DACH2: variants seen among roughly 807,000 people sequenced by gnomAD.
The protein encoded by DACH2 is dachshund family transcription factor 2, also known as dachshund homolog 2.
In DACH2, 17 loss-of-function variants were observed where a neutral mutation model predicts 35.8. That is an observed-to-expected ratio of 0.48 (90% CI 0.33 to 0.71). DACH2 has a LOEUF of 0.71. Ranked by LOEUF, DACH2 falls within the 30% of genes least tolerant of loss-of-function variation. The pLI is 0.02. For synonymous variants in DACH2, 195 were observed against 177.3 expected (o/e 1.10, Z -0.79); for missense variants, 469 against 472.7 (o/e 0.99, Z 0.07).
At chrX:86,477,339 CATATAT>C (rs56255658) in intron 2 of DACH2, among the ~76,000 whole-genome samples, 3,808 of 75,799 alleles carry the variant, frequency 0.05, 128 homozygotes, top group East Asian at 0.25. Flanking sequence ...GTGTTGAGTG[CATATAT>C]ATATATATAT....
At chrX:86,767,044 G>T (rs1470713447) in intron 7 of DACH2, among the ~76,000 whole-genome samples, 1 of 111,770 alleles carries the variant, frequency 8.9e-6, no homozygotes, top group African/African-American at 3.2e-5. Flanking sequence ...TTATGAAATT[G>T]TCACTCATGT....
intron 3 of DACH2, among the ~76,000 whole-genome samples, chrX:86,523,968 C>T (rs907611454): frequency 4.5e-5 from 5 of 111,637 alleles, no homozygotes; most frequent in Non-Finnish European, 7.5e-5. Context: ...GCAGTTTTAT[C>T]CCCAGAACAG....
intron 2 of DACH2, among the ~76,000 whole-genome samples, chrX:86,456,073 G>T (rs1569407775): frequency 8.9e-6 from 1 of 112,147 alleles, no homozygotes; most frequent in Non-Finnish European, 1.9e-5. Flanking sequence ...TTCCTTGGCT[G>T]GGGCTGGCAG....
chrX:86,630,793 C>T (rs1266482466), intron 3 of DACH2, among the ~76,000 whole-genome samples: 1 of 109,890 alleles, frequency 9.1e-6, no homozygotes, highest in Non-Finnish European at 1.9e-5. Flanking sequence ...TGGGTTTAAG[C>T]GATTCTCCTG....
At chrX:86,300,286 C>A (rs2034549710) in intron 1 of DACH2, among the ~76,000 whole-genome samples, 1 of 111,741 alleles carries the variant, frequency 8.9e-6, no homozygotes, top group South Asian at 3.7e-4. Context: ...TATTTAATTT[C>A]ATACTGATAA....
At chrX:86,356,648 A>T (rs1187863675) in intron 1 of DACH2, among the ~76,000 whole-genome samples, 2 of 111,612 alleles carry the variant, frequency 1.8e-5, no homozygotes, top group East Asian at 5.6e-4. Flanking sequence ...AACAATATTG[A>T]TTCTTCCTAT....
intron 3 of DACH2, among the ~76,000 whole-genome samples, chrX:86,535,092 A>T (rs1336882744): frequency 8.9e-6 from 1 of 111,855 alleles, no homozygotes. Context: ...AAAGTTATGA[A>T]TAGCTCTATT....
chrX:86,675,909 A>G (rs1249804854), intron 4 of DACH2, among the ~76,000 whole-genome samples: 1 of 111,856 alleles, frequency 8.9e-6, no homozygotes, highest in Non-Finnish European at 1.9e-5. Flanking sequence ...AAGATGCAAT[A>G]AAGTCTTTTT....
At chrX:86,727,373 A>G (rs2041481905) in intron 6 of DACH2, among the ~76,000 whole-genome samples, 1 of 112,227 alleles carries the variant, frequency 8.9e-6, no homozygotes, top group African/African-American at 3.2e-5. Context: ...GTTTAGTTAT[A>G]TAAAACTTGT....
chrX:86,414,869 T>C (rs1202710450), intron 2 of DACH2, among the ~76,000 whole-genome samples: 1 of 111,791 alleles, frequency 8.9e-6, no homozygotes, highest in Admixed American at 9.5e-5. Flanking sequence ...TCTGCTCCTC[T>C]TGAACCACTC....
At chrX:86,256,047 GC>G (rs2033512785) in intron 1 of DACH2, among the ~76,000 whole-genome samples, 1 of 110,778 alleles carries the variant, frequency 9.0e-6, no homozygotes, top group Admixed American at 9.7e-5. Flanking sequence ...TAGCACTCCA[GC>G]TTTAGGCTCA....
At chrX:86,203,605 A>T (rs1285650184) in intron 1 of DACH2, among the ~76,000 whole-genome samples, 1 of 112,122 alleles carries the variant, frequency 8.9e-6, no homozygotes, top group African/African-American at 3.2e-5. Context: ...AATAGATTTT[A>T]AAAATCTGGT....
chrX:86,310,756 A>T (rs1177315576), intron 1 of DACH2, among the ~76,000 whole-genome samples: 1 of 109,889 alleles, frequency 9.1e-6, no homozygotes. Context: ...TTGTGTATGG[A>T]CCTCTCTCAG....
chrX:86,430,835 C>A (rs1235294434), intron 2 of DACH2, among the ~76,000 whole-genome samples: 2 of 111,867 alleles, frequency 1.8e-5, no homozygotes, highest in African/African-American at 6.5e-5. Flanking sequence ...CTGTTTTAAA[C>A]AATAGTAATA....
At chrX:86,665,628 T>C (rs769418822) in intron 4 of DACH2, among the ~76,000 whole-genome samples, 181 of 111,789 alleles carry the variant, frequency 1.6e-3, no homozygotes, top group African/African-American at 5.3e-3. Context: ...GAAGGAAAAA[T>C]CACAACCAGC....
chrX:86,816,656 A>C (rs760642792), intron 11 of DACH2, among the ~76,000 whole-genome samples: 13 of 112,057 alleles, frequency 1.2e-4, no homozygotes, highest in Admixed American at 2.9e-4. Flanking sequence ...ACAATTGCTT[A>C]CATCTTTAAA....
intron 4 of DACH2, among the ~76,000 whole-genome samples, chrX:86,653,416 G>A (rs1335004401): frequency 9.0e-6 from 1 of 110,931 alleles, no homozygotes; most frequent in African/African-American, 3.3e-5. Flanking sequence ...GGGGGAGCAG[G>A]GTGACTCCCC....
chrX:86,744,866 A>G (rs764583692), intron 7 of DACH2, among the ~76,000 whole-genome samples: 4 of 111,513 alleles, frequency 3.6e-5, no homozygotes, highest in Non-Finnish European at 7.6e-5. Context: ...TTTAACAGTC[A>G]GTTCTGGGAT....
intron 4 of DACH2, among the ~76,000 whole-genome samples, chrX:86,690,715 C>T (rs1051691297): frequency 8.9e-6 from 1 of 112,114 alleles, no homozygotes; most frequent in Admixed American, 9.5e-5. Context: ...TAGTGAATCA[C>T]TTTATTGTTC....
Sources: gnomAD v4.1 joint callset for allele counts (sites outside exome capture counted in the v4.1 genomes callset) on GRCh38, gnomAD v4.1.1 for gene constraint, MANE v1.5 for transcripts, NCBI Gene and HGNC (gene_info 2026-07-23, HGNC 2026-07-21) for gene names.